Variants in DUSP22 observed in about 807,000 individuals in gnomAD.
The protein encoded by DUSP22 is dual specificity protein phosphatase 22.
DUSP22 carries 24 observed loss-of-function variants against 24.5 expected under a neutral mutation model. The observed-to-expected ratio is 0.98, with a 90% CI of 0.71 to 1.38. DUSP22 has a LOEUF of 1.38. Among genes scored for constraint, DUSP22 ranks in the 40% most tolerant of loss-of-function variants. The probability of loss-of-function intolerance (pLI) is 0.00; values close to 1 mark genes in which losing one functional copy is unlikely to be tolerated. For synonymous variants in DUSP22, 160 were observed against 106.4 expected, an observed-to-expected ratio of 1.50 and a Z score of -3.10; for missense variants, 330 against 269.2, an observed-to-expected ratio of 1.23 and a Z score of -1.58.
intron 1 of DUSP22, 119 bp downstream of exon 1, chr6:292,679 G>C (rs1554097186): frequency 4.4e-6 from 6 of 1,369,766 alleles, no homozygotes; most frequent in South Asian, 1.5e-5. Context: ...GGGGACGGGC[G>C]CGGAGGGAGG....
intron 3 of DUSP22, among the ~76,000 whole-genome samples, chr6:314,042 G>A (rs771579702): frequency 5.3e-5 from 8 of 152,306 alleles, no homozygotes; most frequent in Admixed American, 3.3e-4. Context: ...GTTTGGAGTC[G>A]GTGGGGAATT....
chr6:294,214 C>T (rs1474229059), intron 1 of DUSP22, among the ~76,000 whole-genome samples: 4 of 152,264 alleles, frequency 2.6e-5, no homozygotes, highest in Non-Finnish European at 5.9e-5. Flanking sequence ...TAATAAATTT[C>T]TTGACTTTTA....
chr6:311,944 T>C lies in DUSP22; in HGVS notation c.120T>C (p.Ser40=). 3.1e-6 allele frequency: 5 copies of C among 1,612,326 alleles called. No individual in the cohort carries two copies. The highest frequency in any genetic ancestry group is 4.2e-6 in the Non-Finnish European group (5 of 1,178,920). The change falls in exon 3 of 7, where the codon AGT becomes AGC. Residue 40 remains serine, a synonymous_variant. Transcript: ENST00000419235. ...CACATATTCTGTCTGTCCACGATAGTGCCAGGCCTATGTTGGAGGTAAGAG... is the reference window on the plus strand; with the variant it reads ...CACATATTCTGTCTGTCCACGATAGCGCCAGGCCTATGTTGGAGGTAAGAG... The part of the protein sequence containing the change: ...KVTHILSVHD[S]ARPMLEGVKY...
At chr6:342,328 G>A (rs1021991554) in intron 4 of DUSP22, among the ~76,000 whole-genome samples, 6 of 152,296 alleles carry the variant, frequency 3.9e-5, no homozygotes, top group Non-Finnish European at 5.9e-5. Flanking sequence ...ACCAGCGTGG[G>A]CACAGCAGTC....
chr6:346,131 G>C (rs1286845194), intron 5 of DUSP22, among the ~76,000 whole-genome samples: 1 of 152,298 alleles, frequency 6.6e-6, no homozygotes, highest in African/African-American at 2.4e-5. Flanking sequence ...AACTCGTTTT[G>C]CTTTTGTTTT....
chr6:317,696 C>G (rs1375722510), intron 3 of DUSP22, among the ~76,000 whole-genome samples: 9 of 152,298 alleles, frequency 5.9e-5, no homozygotes, highest in African/African-American at 2.2e-4. Context: ...CATCGGGCTC[C>G]TGAGCTGGCC....
At chr6:324,444 C>G (rs1026525026) in intron 3 of DUSP22, among the ~76,000 whole-genome samples, 1 of 152,308 alleles carries the variant, frequency 6.6e-6, no homozygotes. Flanking sequence ...GAATGCAGCA[C>G]GTCTCTAATA....
intron 3 of DUSP22, among the ~76,000 whole-genome samples, chr6:330,766 G>GT (rs1328315194): frequency 6.6e-6 from 1 of 152,300 alleles, no homozygotes; most frequent in Admixed American, 6.5e-5. Context: ...GACGTCTGTT[G>GT]TTTCTTTCAA....
At chr6:331,259 T>G (rs1759127591) in intron 3 of DUSP22, among the ~76,000 whole-genome samples, 1 of 152,308 alleles carries the variant, frequency 6.6e-6, no homozygotes, top group Non-Finnish European at 1.5e-5. Context: ...TCTTATTTAT[T>G]TAGTGAGACT....
At chr6:299,058 C>T (rs1483828392) in intron 1 of DUSP22, among the ~76,000 whole-genome samples, 1 of 152,302 alleles carries the variant, frequency 6.6e-6, no homozygotes. Context: ...AGGGAAAGAG[C>T]AGCAGTTTCA....
intron 4 of DUSP22, 52 bp from the exon 5 acceptor site, chr6:345,802 C>G: frequency 6.3e-7 from 1 of 1,597,064 alleles, no homozygotes; most frequent in Non-Finnish European, 8.6e-7. Context: ...TTCTTTTCAT[C>G]ATATATTGAG....
chr6:345,059 C>T (rs1759794071), intron 4 of DUSP22, among the ~76,000 whole-genome samples: 6 of 152,296 alleles, frequency 3.9e-5, no homozygotes, highest in Admixed American at 3.9e-4. Flanking sequence ...CAGAGAAATT[C>T]CAAAACTTCC....
At chr6:319,137 TAAA>T (rs60613949) in intron 3 of DUSP22, among the ~76,000 whole-genome samples, 1 of 149,956 alleles carries the variant, frequency 6.7e-6, no homozygotes, top group East Asian at 1.9e-4. Context: ...TTCCTCTATT[TAAA>T]AAAAAAAAAA....
intron 1 of DUSP22, among the ~76,000 whole-genome samples, chr6:294,405 A>G (rs547677812): frequency 6.6e-6 from 1 of 152,398 alleles, no homozygotes; most frequent in Admixed American, 6.5e-5. Flanking sequence ...TTCTTCACAG[A>G]ACCTTCAGTA....
intron 3 of DUSP22, among the ~76,000 whole-genome samples, chr6:317,733 G>C (rs1482947326): frequency 6.6e-6 from 1 of 152,306 alleles, no homozygotes; most frequent in Non-Finnish European, 1.5e-5. Flanking sequence ...CAGCTGCCGT[G>C]CTGGGGTTTC....
intron 4 of DUSP22, among the ~76,000 whole-genome samples, chr6:342,934 G>A (rs535755734): frequency 7.8e-4 from 119 of 152,360 alleles, no homozygotes; most frequent in African/African-American, 2.6e-3. Flanking sequence ...TCTGCCAACC[G>A]CAGACGGCTA....
chr6:328,385 C>G (rs1252447702), intron 3 of DUSP22, among the ~76,000 whole-genome samples: 1 of 152,310 alleles, frequency 6.6e-6, no homozygotes, highest in Non-Finnish European at 1.5e-5. Context: ...CTGACCGTGC[C>G]CACTTTAGCC....
Position 350,291 on chromosome 6 carries a change from C to T in DUSP22, c.*1340C>T. On this transcript the variant is annotated 3_prime_UTR_variant, in exon 7 of 7. Transcript: ENST00000419235. ...CACATTCAGGCCACGAGAGCATCTA[C>T]AGTTTGTACTCTGGGGCTGCAGGCA... 1.0e-6 allele frequency: 1 copy of T among 995,132 alleles called. No homozygotes were observed. The highest frequency in any genetic ancestry group is 5.8e-5 in the Admixed American group (1 of 17,388). The allele number at this position is 995,132 out of a possible 1,614,324, so 61.6% of individuals were successfully genotyped here.
chr6:319,161 T>G (rs1758472307), intron 3 of DUSP22, among the ~76,000 whole-genome samples: 1 of 152,300 alleles, frequency 6.6e-6, no homozygotes, highest in Non-Finnish European at 1.5e-5. Context: ...ATTCTTGAAT[T>G]TATTTGTCAC....
Sources: allele counts gnomAD v4.1 joint callset (sites outside exome capture counted in the v4.1 genomes callset), GRCh38; gene constraint gnomAD v4.1.1; transcripts MANE v1.5; gene names NCBI Gene and HGNC (gene_info 2026-07-23, HGNC 2026-07-21).